VSNL1: variants seen among roughly 807,000 people sequenced by gnomAD.
VSNL1 encodes visinin like 1, also known as visinin-like protein 1.
In VSNL1, 6 loss-of-function variants were observed where a neutral mutation model predicts 20.4. The observed-to-expected ratio is 0.29, with a 90% CI of 0.16 to 0.58. The LOEUF is 0.58. Ranked by LOEUF, VSNL1 falls within the 20% of genes least tolerant of loss-of-function variation. The probability of loss-of-function intolerance (pLI) is 0.90; values close to 1 mark genes in which losing one functional copy is unlikely to be tolerated. For synonymous variants in VSNL1, 93 were observed against 86.4 expected (o/e 1.08, Z -0.42); for missense variants, 100 against 234.5 (o/e 0.43, Z 3.75).
chr2:17,604,697 A>G (rs1664904145), intron 2 of VSNL1, among the ~76,000 whole-genome samples: 1 of 152,244 alleles, frequency 6.6e-6, no homozygotes, highest in Admixed American at 6.5e-5. Context: ...TCTGAAATAA[A>G]GAAGCATACT....
At chr2:17,639,041 A>T (rs575011534) in intron 2 of VSNL1, among the ~76,000 whole-genome samples, 1 of 152,260 alleles carries the variant, frequency 6.6e-6, no homozygotes, top group South Asian at 2.1e-4. Context: ...GGCAATTCCA[A>T]ATAAGCCCTC....
At chr2:17,638,658 G>C (rs114723475) in intron 2 of VSNL1, among the ~76,000 whole-genome samples, 63 of 152,336 alleles carry the variant, frequency 4.1e-4, no homozygotes, top group Non-Finnish European at 7.9e-4. Flanking sequence ...ACACAGGTGT[G>C]AGCGCCTGCT....
chr2:17,612,911 G>A (rs1199161286), intron 2 of VSNL1, among the ~76,000 whole-genome samples: 2 of 152,202 alleles, frequency 1.3e-5, no homozygotes, highest in Admixed American at 1.3e-4. Context: ...TAGGGATACA[G>A]AGATGAATAA....
intron 2 of VSNL1, among the ~76,000 whole-genome samples, chr2:17,610,617 T>C (rs1665061554): frequency 6.6e-6 from 1 of 152,090 alleles, no homozygotes; most frequent in Non-Finnish European, 1.5e-5. Flanking sequence ...TAAAAATACA[T>C]CCATAATCTA....
intron 2 of VSNL1, among the ~76,000 whole-genome samples, chr2:17,601,689 C>T (rs1190814145): frequency 6.6e-6 from 1 of 151,626 alleles, no homozygotes; most frequent in Non-Finnish European, 1.5e-5. Flanking sequence ...AATCCCAGCA[C>T]TTTGGGAGGC....
intron 1 of VSNL1, among the ~76,000 whole-genome samples, chr2:17,553,386 C>A (rs1298806229): frequency 2.0e-5 from 3 of 152,130 alleles, no homozygotes; most frequent in Non-Finnish European, 4.4e-5. Context: ...TCTTTAACTT[C>A]ATACCGATTA....
At chr2:17,645,467 G>A (rs1665971860) in intron 2 of VSNL1, among the ~76,000 whole-genome samples, 1 of 152,210 alleles carries the variant, frequency 6.6e-6, no homozygotes, top group Non-Finnish European at 1.5e-5. Context: ...AATGGTGCTG[G>A]GGAGGGCTGG....
chr2:17,620,139 G>T (rs1253438523), intron 2 of VSNL1, among the ~76,000 whole-genome samples: 1 of 152,182 alleles, frequency 6.6e-6, no homozygotes, highest in East Asian at 1.9e-4. Context: ...ATCCTGGAAG[G>T]CACATTGGGA....
At chr2:17,603,967 A>G (rs1007236883) in intron 2 of VSNL1, among the ~76,000 whole-genome samples, 1 of 152,210 alleles carries the variant, frequency 6.6e-6, no homozygotes, top group Non-Finnish European at 1.5e-5. Context: ...TTGTGTGTAC[A>G]GTACTAGACT....
intron 2 of VSNL1, among the ~76,000 whole-genome samples, chr2:17,618,024 G>T (rs1665260940): frequency 6.6e-6 from 1 of 152,134 alleles, no homozygotes; most frequent in Non-Finnish European, 1.5e-5. Flanking sequence ...CAGTACCCGG[G>T]GAAAGAATAT....
rs553944469 is a variant in VSNL1, at chr2:17,635,228, C to T, written c.163-14182C>T. Among the ~76,000 whole-genome samples, 3 of 152,320 alleles carry T rather than the reference C, an allele frequency of 2.0e-5. No individual in the cohort carries two copies. The East Asian group carries it at 5.8e-4, about 29-fold the overall frequency. On this transcript the variant is annotated intron_variant, in intron 2 of 3. Transcript: ENST00000295156. ...CCTAGACGAATGCTCGGAGATGGAACACTCAGGGCTCTGGTCCTGTGCCAG... is the reference window on the plus strand; with the variant it reads ...CCTAGACGAATGCTCGGAGATGGAATACTCAGGGCTCTGGTCCTGTGCCAG...
chr2:17,575,837 A>AT (rs1664200274), intron 1 of VSNL1, among the ~76,000 whole-genome samples: 1 of 152,144 alleles, frequency 6.6e-6, no homozygotes, highest in Admixed American at 6.5e-5. Context: ...GCCCGGCCCG[A>AT]TTTCACAAAT....
intron 1 of VSNL1, among the ~76,000 whole-genome samples, chr2:17,545,445 T>C (rs530029022): frequency 9.9e-5 from 15 of 152,264 alleles, no homozygotes; most frequent in African/African-American, 3.6e-4. Context: ...TAAAGTATTT[T>C]TACCTATTTA....
chr2:17,591,129 C>G (rs896533373), intron 1 of VSNL1, among the ~76,000 whole-genome samples: 5 of 151,972 alleles, frequency 3.3e-5, no homozygotes, highest in Non-Finnish European at 5.9e-5. Context: ...TGTTAATCAG[C>G]CATCACAATG....
intron 2 of VSNL1, among the ~76,000 whole-genome samples, chr2:17,593,300 T>A (rs1266527952): frequency 1.3e-5 from 2 of 152,056 alleles, no homozygotes; most frequent in Non-Finnish European, 2.9e-5. Context: ...AAAGGGAAAG[T>A]GGAAAATAAA....
intron 3 of VSNL1, among the ~76,000 whole-genome samples, chr2:17,654,283 C>G (rs1360622965): frequency 6.6e-6 from 1 of 152,172 alleles, no homozygotes; most frequent in African/African-American, 2.4e-5. Flanking sequence ...GTTAGTTGGT[C>G]TGGATAATTG....
chr2:17,579,511 A>G (rs575931172), intron 1 of VSNL1, among the ~76,000 whole-genome samples: 28 of 152,290 alleles, frequency 1.8e-4, no homozygotes, highest in South Asian at 8.3e-4. Flanking sequence ...CAATTTTACA[A>G]TTTGCAAACT....
intron 2 of VSNL1, among the ~76,000 whole-genome samples, chr2:17,626,077 G>C (rs989156189): frequency 6.6e-6 from 1 of 151,960 alleles, no homozygotes; most frequent in Non-Finnish European, 1.5e-5. Flanking sequence ...CCTCAGCTTC[G>C]CAAAAGACTG....
At chr2:17,593,262 A>AT in intron 2 of VSNL1, among the ~76,000 whole-genome samples, 1 of 152,200 alleles carries the variant, frequency 6.6e-6, no homozygotes, top group African/African-American at 2.4e-5. Context: ...CACAATGGTA[A>AT]AACTGGGAAA....
Sources: allele counts gnomAD v4.1 joint callset (sites outside exome capture counted in the v4.1 genomes callset), GRCh38; gene constraint gnomAD v4.1.1; transcripts MANE v1.5; gene names NCBI Gene and HGNC (gene_info 2026-07-23, HGNC 2026-07-21).